Variants in TIMP3 observed in about 807,000 individuals in gnomAD.
The protein encoded by TIMP3 is metalloproteinase inhibitor 3.
Under a neutral mutation model 30.0 loss-of-function variants are expected in TIMP3, and 11 were observed. The observed-to-expected ratio is 0.37, with a 90% confidence interval of 0.23 to 0.61. The LOEUF is 0.61. Ranked by LOEUF, TIMP3 falls within the 20% of genes least tolerant of loss-of-function variation. The pLI is 0.70. For synonymous variants in TIMP3, 112 were observed against 111.3 expected (o/e 1.01, Z -0.04); for missense variants, 181 against 276.8 (o/e 0.65, Z 2.45).
At chr22:32,825,528 G>A (rs370581980) in intron 1 of TIMP3, among the ~76,000 whole-genome samples, 9 of 151,292 alleles carry the variant, frequency 5.9e-5, no homozygotes, top group African/African-American at 1.5e-4. Flanking sequence ...GTGTGGTGGC[G>A]GGCGCCTGTA....
intron 1 of TIMP3, among the ~76,000 whole-genome samples, chr22:32,803,221 G>A (rs528775209): frequency 5.9e-5 from 9 of 152,190 alleles, no homozygotes; most frequent in South Asian, 2.1e-4. Flanking sequence ...TGCCTGTGTC[G>A]ATTCAGAGGT....
intron 1 of TIMP3, among the ~76,000 whole-genome samples, chr22:32,820,839 T>C (rs1043581425): frequency 6.6e-6 from 1 of 152,204 alleles, no homozygotes; most frequent in Non-Finnish European, 1.5e-5. Context: ...TGCTTACTTA[T>C]TAGATTAGAA....
chr22:32,858,219 G>A lies in TIMP3; in HGVS notation c.438+81G>A. The A allele has an allele frequency of 1.3e-5, 21 of 1,585,952 alleles. No individual in the cohort carries two copies. The South Asian group carries it at 1.8e-4, about 14-fold the overall frequency. ...AACATCAGCTCCCAATGCACTGGGT[G>A]CCAGGCCCTCGGCTGGGAAGGGTAT... On this transcript the variant is annotated intron_variant, in intron 4 of 4. Transcript: ENST00000266085.
chr22:32,849,567 G>A (rs1480840070), intron 2 of TIMP3, 33 bp downstream of exon 2: 14 of 1,591,918 alleles, frequency 8.8e-6, no homozygotes, highest in Non-Finnish European at 1.2e-5. Flanking sequence ...CTCCGGGAAG[G>A]TTTTTGGGTT....
chr22:32,850,098 C>T (rs2048177369), intron 2 of TIMP3, among the ~76,000 whole-genome samples: 1 of 149,850 alleles, frequency 6.7e-6, no homozygotes, highest in South Asian at 2.2e-4. Context: ...TGTCTTCTTG[C>T]ATCCTAGATA....
intron 1 of TIMP3, among the ~76,000 whole-genome samples, chr22:32,809,110 C>G (rs2046842565): frequency 6.6e-6 from 1 of 152,260 alleles, no homozygotes; most frequent in Non-Finnish European, 1.5e-5. Flanking sequence ...GTGCCAGGCA[C>G]TGTACCAAGC....
intron 1 of TIMP3, among the ~76,000 whole-genome samples, chr22:32,846,302 C>T (rs2048060724): frequency 6.6e-6 from 1 of 152,224 alleles, no homozygotes; most frequent in African/African-American, 2.4e-5. Context: ...TGTGCTTCTC[C>T]ACCTCTCCCT....
At chr22:32,808,856 T>C (rs2046836059) in intron 1 of TIMP3, among the ~76,000 whole-genome samples, 1 of 152,208 alleles carries the variant, frequency 6.6e-6, no homozygotes, top group Non-Finnish European at 1.5e-5. Context: ...GAGGGGATCA[T>C]TCCTGCGCTG....
At chr22:32,833,752 GC>G (rs1478666160) in intron 1 of TIMP3, 2 of 496,392 alleles carry the variant, frequency 4.0e-6, no homozygotes, top group African/African-American at 4.0e-5. Context: ...TTCTTTACAG[GC>G]CTCGATTTCT....
rs1009497734 is a variant in TIMP3 at position 32,862,224 on chromosome 22, G to C, written c.*2847G>C. 6.6e-6 allele frequency: 1 copy of C among 152,168 alleles called. No individual in the cohort carries two copies. The highest frequency in any genetic ancestry group is 2.4e-5 in the African/African-American group (1 of 41,416). 9.4% of individuals were successfully genotyped at this position (152,168 alleles called of 1,614,324 possible). A position where few individuals can be genotyped will look rare whatever the true frequency, so the allele number is the denominator to read the frequency against. On this transcript the variant is annotated 3_prime_UTR_variant, in exon 5 of 5. Coordinates refer to ENST00000266085, the MANE Select transcript of TIMP3 (RefSeq NM_000362.5). ...AGCCATGATTTTCCTAAGAATCCAG[G>C]GCCATGGGAGATACAATTCCAAGTT...
chr22:32,811,519 C>T (rs993530112), intron 1 of TIMP3, among the ~76,000 whole-genome samples: 6 of 152,112 alleles, frequency 3.9e-5, no homozygotes, highest in Non-Finnish European at 8.8e-5. Flanking sequence ...GTGGTTTGAT[C>T]CCCCCGCCTC....
chr22:32,814,180 GA>G (rs869082026), intron 1 of TIMP3, among the ~76,000 whole-genome samples: 18 of 56,722 alleles, frequency 3.2e-4, no homozygotes, highest in South Asian at 1.2e-3. Context: ...GAGAAAGAAA[GA>G]AAAGAAAGAA....
intron 1 of TIMP3, among the ~76,000 whole-genome samples, chr22:32,806,141 G>A (rs1046249325): frequency 6.6e-6 from 1 of 152,018 alleles, no homozygotes; most frequent in Non-Finnish European, 1.5e-5. Context: ...GGTGGGATCA[G>A]TTAGGGCTCC....
intron 1 of TIMP3, among the ~76,000 whole-genome samples, chr22:32,807,348 A>ATATATAATTT (rs1202131394): frequency 3.0e-5 from 1 of 33,424 alleles, no homozygotes; most frequent in African/African-American, 7.6e-5. Flanking sequence ...ATAATATATA[A>ATATATAATTT]ATATATAATA....
intron 1 of TIMP3, among the ~76,000 whole-genome samples, chr22:32,813,669 T>TC (rs997780369): frequency 1.1e-4 from 16 of 151,802 alleles, no homozygotes; most frequent in African/African-American, 3.9e-4. Flanking sequence ...CCCAATTTTT[T>TC]TTTTTTTGGC....
At chr22:32,818,047 T>C (rs1182345146) in intron 1 of TIMP3, among the ~76,000 whole-genome samples, 1 of 152,220 alleles carries the variant, frequency 6.6e-6, no homozygotes, top group African/African-American at 2.4e-5. Context: ...CTTGGATCAT[T>C]AGAACACTTG....
chr22:32,822,172 A>AAG (rs1569251867), intron 1 of TIMP3, among the ~76,000 whole-genome samples: 2 of 150,456 alleles, frequency 1.3e-5, no homozygotes, highest in Non-Finnish European at 3.0e-5. Context: ...AAAAAAAAAA[A>AAG]AAGAAGTTGG....
chr22:32,806,719 C>T (rs1023330587), intron 1 of TIMP3, among the ~76,000 whole-genome samples: 1 of 152,208 alleles, frequency 6.6e-6, no homozygotes, highest in African/African-American at 2.4e-5. Context: ...TATATGAATA[C>T]ATTCTATGTC....
At position 32,859,434 on chromosome 22, in the gene TIMP3, A is replaced by C. The variant is rs1346742476; in HGVS notation, c.*57A>C. On this transcript the variant is annotated 3_prime_UTR_variant, in exon 5 of 5. Transcript: ENST00000266085. ...CCTTCCCGCTGAGCTTCCCTTGGAC[A>C]CTAACTCTTCCCAGATGATGACAAT... The C allele has an allele frequency of 2.6e-6, 4 of 1,560,258 alleles. No individual in the cohort carries two copies. In the Admixed American group the frequency reaches 7.3e-5, roughly 29 times the overall value.
Sources: gnomAD v4.1 joint callset for allele counts (sites outside exome capture counted in the v4.1 genomes callset) on GRCh38, gnomAD v4.1.1 for gene constraint, MANE v1.5 for transcripts, NCBI Gene and HGNC (gene_info 2026-07-23, HGNC 2026-07-21) for gene names.